Variants in SEC63 observed in about 807,000 individuals in gnomAD.
The protein encoded by SEC63 is translocation protein SEC63 homolog.
SEC63 carries 56 observed loss-of-function variants against 116.2 expected under a neutral mutation model. The observed-to-expected ratio is 0.48, with a 90% CI of 0.39 to 0.60. The LOEUF is 0.60. SEC63 is among the 20% of genes least tolerant of loss of function. The pLI is 0.00. For missense variants in SEC63, 668 were observed against 900.0 expected (o/e 0.74, Z 3.30); for synonymous variants, 273 against 294.6 (o/e 0.93, Z 0.75).
chr6:107,953,975 G>A lies in SEC63; in HGVS notation c.124+3911C>T, dbSNP rs1413526252. Among the ~76,000 whole-genome samples, 9 of 152,292 alleles carry A rather than the reference G, an allele frequency of 5.9e-5. No homozygotes were observed. The South Asian group carries it at 1.0e-3, about 18-fold the overall frequency. On this transcript the variant is annotated intron_variant, in intron 1 of 20. Coordinates refer to ENST00000369002, the MANE Select transcript of SEC63 (RefSeq NM_007214.5). ...CCCCGTCTGGGAGGTGTACCCAACA[G>A]CTCATTGAGAACGGGCCATGATGAC...
intron 7 of SEC63, chr6:107,911,066 A>C (rs1392812083): frequency 1.8e-5 from 7 of 399,590 alleles, no homozygotes; most frequent in Non-Finnish European, 3.2e-5. Flanking sequence ...AAGTAATGTC[A>C]CATTTAGAAG....
intron 14 of SEC63, among the ~76,000 whole-genome samples, chr6:107,895,001 C>T (rs968884673): frequency 6.6e-6 from 1 of 152,182 alleles, no homozygotes; most frequent in East Asian, 1.9e-4. Flanking sequence ...TATTTACTAT[C>T]TGGATGTTTA....
intron 13 of SEC63, among the ~76,000 whole-genome samples, chr6:107,900,200 A>T (rs1786968193): frequency 6.6e-6 from 1 of 151,812 alleles, no homozygotes; most frequent in Non-Finnish European, 1.5e-5. Context: ...GGGTCTCACT[A>T]TGTTGCCCAG....
At chr6:107,874,277 T>C (rs1475989937) in intron 19 of SEC63, among the ~76,000 whole-genome samples, 2 of 151,172 alleles carry the variant, frequency 1.3e-5, no homozygotes, top group Non-Finnish European at 2.9e-5. Flanking sequence ...TCTTGAAAAA[T>C]GTCAGCGGCA....
At position 107,957,926 on chromosome 6, in the gene SEC63, G is replaced by A. The variant is rs898450845; in HGVS notation, c.84C>T (p.Ile28=). Residue 28 remains isoleucine (I), a synonymous_variant, in exon 1 of 21, where the codon ATC becomes ATT. Transcript: ENST00000369002. ...FLTSFVGLIV[I]PATYYLWPRD... is the part of the protein sequence containing the mutation. The stretch of plus-strand genomic sequence containing the variant: ...GGGGCCAGAGGTAGTATGTCGCCGG[G>A]ATCACGATGAGCCCCACGAAGGAGG... 9 of 1,613,356 alleles carry A rather than the reference G, an allele frequency of 5.6e-6. No individual in the cohort carries two copies. The highest frequency in any genetic ancestry group is 6.8e-6 in the Non-Finnish European group (8 of 1,179,560).
chr6:107,893,020 T>A (rs1342569758), intron 16 of SEC63, among the ~76,000 whole-genome samples: 2 of 151,708 alleles, frequency 1.3e-5, no homozygotes, highest in East Asian at 1.9e-4. Flanking sequence ...CACCCTTTAT[T>A]CATATTAGGT....
In SEC63 at chr6:107,882,988, T is replaced by C. The variant is rs1302271165; in HGVS notation, c.1833A>G (p.Ala611=). The change falls in exon 17 of 21, where the codon GCA becomes GCG. Residue 611 remains alanine (A), a splice_region_variant and synonymous_variant. Coordinates refer to ENST00000369002, the MANE Select transcript of SEC63 (RefSeq NM_007214.5). ...AATTATTTAAACCTATAAGGCTTAC[T>C]GCTTCATCATCTTTGTTTTGTTTTT... is the stretch of plus-strand genomic sequence containing the variant. ...QDEKQNKDDE[A]EWQELQQSIQ... 1 of 1,572,432 alleles carries C rather than the reference T, an allele frequency of 6.4e-7. No homozygotes were observed. Among genetic ancestry groups the C allele is most frequent in the Admixed American group, 1.7e-5 (1 of 59,946 alleles).
At chr6:107,922,354 A>G (rs771672606) in intron 3 of SEC63, among the ~76,000 whole-genome samples, 2 of 152,276 alleles carry the variant, frequency 1.3e-5, no homozygotes, top group Non-Finnish European at 2.9e-5. Context: ...AAAAAATACA[A>G]AAATTAGCTC....
At chr6:107,937,837 T>A (rs895521355) in intron 1 of SEC63, among the ~76,000 whole-genome samples, 1 of 152,222 alleles carries the variant, frequency 6.6e-6, no homozygotes, top group Non-Finnish European at 1.5e-5. Flanking sequence ...AAAAAAAATT[T>A]CTTCTTTTAA....
chr6:107,921,728 A>G (rs1373843564), intron 4 of SEC63, 69 bp downstream of exon 4: 1 of 968,970 alleles, frequency 1.0e-6, no homozygotes, highest in East Asian at 2.4e-5. Flanking sequence ...CTGGGATTAC[A>G]GGCATGAACC....
At chr6:107,917,232 A>G (rs1157181075) in intron 4 of SEC63, among the ~76,000 whole-genome samples, 1 of 152,196 alleles carries the variant, frequency 6.6e-6, no homozygotes, top group African/African-American at 2.4e-5. Context: ...CATAAGGGAT[A>G]CTTTTAGTTA....
intron 8 of SEC63, among the ~76,000 whole-genome samples, chr6:107,908,255 A>G (rs905873838): frequency 2.6e-5 from 4 of 152,162 alleles, no homozygotes; most frequent in Non-Finnish European, 2.9e-5. Flanking sequence ...TTGCAGAGCC[A>G]TCATTCTGAA....
chr6:107,921,960 A>C, intron 3 of SEC63, 51 bp from the exon 4 acceptor site: 6 of 1,037,840 alleles, frequency 5.8e-6, no homozygotes, highest in Non-Finnish European at 9.0e-6. Context: ...AAAAATAAGC[A>C]CAATTCTGTA....
intron 1 of SEC63, among the ~76,000 whole-genome samples, chr6:107,936,472 T>C (rs1274977248): frequency 2.6e-5 from 4 of 152,254 alleles, no homozygotes; most frequent in African/African-American, 9.6e-5. Context: ...AGTTCACTTA[T>C]AAACTTCTTG....
intron 1 of SEC63, chr6:107,955,939 G>T: frequency 2.8e-6 from 1 of 355,868 alleles, no homozygotes. Flanking sequence ...TATGAAATCA[G>T]GTGAATTTTA....
Position 107,870,226 on chromosome 6 carries a change from A to G in SEC63, c.*1478T>C, listed in dbSNP as rs940448022. ...AAGAAAGGCTCTCACTAAACTGGTG[A>G]TTGAGGTTATAGAGAAAGAAACTGC... On this transcript the variant is annotated 3_prime_UTR_variant, in exon 21 of 21. Coordinates refer to ENST00000369002, the MANE Select transcript of SEC63 (RefSeq NM_007214.5). 1 of 152,942 alleles carries G rather than the reference A, an allele frequency of 6.5e-6. No individual in the cohort carries two copies. The highest frequency in any genetic ancestry group is 2.4e-5 in the African/African-American group (1 of 41,456). The allele number at this position is 152,942 out of a possible 1,614,324, so 9.5% of individuals were successfully genotyped here.
chr6:107,880,285 G>A (rs1488435396), intron 18 of SEC63, among the ~76,000 whole-genome samples: 2 of 152,138 alleles, frequency 1.3e-5, no homozygotes, highest in African/African-American at 4.8e-5. Flanking sequence ...TGACATCCTC[G>A]AGCAGAAAGC....
chr6:107,953,210 A>C (rs1230062027), intron 1 of SEC63, among the ~76,000 whole-genome samples: 1 of 152,240 alleles, frequency 6.6e-6, no homozygotes, highest in Non-Finnish European at 1.5e-5. Flanking sequence ...CAGTGAGCCG[A>C]GATCACGCCA....
chr6:107,899,518 C>T (rs1281119313), intron 13 of SEC63, among the ~76,000 whole-genome samples: 1 of 152,064 alleles, frequency 6.6e-6, no homozygotes, highest in East Asian at 1.9e-4. Context: ...GAGTTCGAGA[C>T]CAGCCTGGCC....
Sources: gnomAD v4.1 joint callset for allele counts (sites outside exome capture counted in the v4.1 genomes callset) on GRCh38, gnomAD v4.1.1 for gene constraint, MANE v1.5 for transcripts, NCBI Gene and HGNC (gene_info 2026-07-23, HGNC 2026-07-21) for gene names.